The following SLC13A4 variants were observed in gnomAD, a reference collection of about 807,000 sequenced individuals.
SLC13A4 encodes the protein Na(+)/sulfate cotransporter SUT-1.
In SLC13A4, 28 loss-of-function variants were observed where a neutral mutation model predicts 72.7. That is an observed-to-expected ratio of 0.39 (90% CI 0.29 to 0.53). The LOEUF (loss-of-function observed/expected upper bound fraction) is 0.53. Ranked by LOEUF, SLC13A4 falls within the 20% of genes least tolerant of loss-of-function variation. SLC13A4 has a pLI of 0.78. For synonymous variants in SLC13A4, 312 were observed against 325.5 expected (o/e 0.96, Z 0.45); for missense variants, 653 against 788.0 (o/e 0.83, Z 2.05).
At chr7:135,715,894 A>G (rs577130357) in intron 2 of SLC13A4, among the ~76,000 whole-genome samples, 29 of 152,368 alleles carry the variant, frequency 1.9e-4, no homozygotes, top group African/African-American at 7.0e-4. Flanking sequence ...TAATCAGCAG[A>G]GGAAGTAGCA....
chr7:135,681,766 C>T (rs1299551781), intron 15 of SLC13A4, 66 bp from the exon 16 acceptor site: 1 of 1,568,226 alleles, frequency 6.4e-7, no homozygotes, highest in East Asian at 2.2e-5. Context: ...CCCAAGTCCC[C>T]CTTCTGTTCC....
Position 135,706,171 on chromosome 7 carries a change from C to A in SLC13A4, c.495G>T (p.Gln165His). ...LQELVSAEDE[Q>H]LVAGNSNTEE... ...CGGTGTTGGAGTTGCCCGCCACGAG[C>A]TGCTCGTCCTCAGCACTGACCAGCT... Residue 165 changes from glutamine (Q) to histidine (H), a missense_variant, in exon 4 of 16, where the codon CAG becomes CAT. By Grantham distance (24) the Gln-to-His change is conservative (BLOSUM62 0). Coordinates refer to ENST00000682651, the MANE Select transcript of SLC13A4 (RefSeq NM_001318192.2). 1 of 1,609,604 alleles carries A rather than the reference C, an allele frequency of 6.2e-7. No homozygotes were observed. The highest frequency in any genetic ancestry group is 1.1e-5 in the South Asian group (1 of 90,888).
intron 2 of SLC13A4, among the ~76,000 whole-genome samples, chr7:135,720,881 G>GA (rs1463871937): frequency 2.0e-5 from 3 of 152,160 alleles, no homozygotes; most frequent in African/African-American, 4.8e-5. Context: ...CGGGCGAGAA[G>GA]AAAAAGAAAT....
At chr7:135,700,062 C>A (rs922845211) in intron 7 of SLC13A4, among the ~76,000 whole-genome samples, 3 of 152,106 alleles carry the variant, frequency 2.0e-5, no homozygotes, top group African/African-American at 7.2e-5. Flanking sequence ...TCCATCAAAC[C>A]CTGATGGAGA....
intron 5 of SLC13A4, chr7:135,704,466 C>T (rs1357578996): frequency 6.6e-6 from 1 of 152,134 alleles, no homozygotes; most frequent in Non-Finnish European, 1.5e-5. Context: ...AGCTGCTGTC[C>T]TAAGCCCAGA....
rs182085627 is a variant in SLC13A4 at position 135,697,787 on chromosome 7, A to G, written c.899+1577T>C. On this transcript the variant is annotated intron_variant, in intron 8 of 15. Coordinates refer to ENST00000682651, the MANE Select transcript of SLC13A4 (RefSeq NM_001318192.2). Reference sequence around the variant, plus strand: ...CTCTTACCCTCTGTCGTTTTCTTTTATGTGCTCCGCTGTCCTGCCTCGGAG... The same window carrying G: ...CTCTTACCCTCTGTCGTTTTCTTTTGTGTGCTCCGCTGTCCTGCCTCGGAG... Among the ~76,000 whole-genome samples the G allele has an allele frequency of 9.9e-4, 150 of 151,956 alleles. 1 individual carries two copies. Among genetic ancestry groups the G allele is most frequent in the Admixed American group, 8.0e-3 (123 of 15,280 alleles).
At chr7:135,725,101 T>C (rs1447284120) in intron 1 of SLC13A4, among the ~76,000 whole-genome samples, 1 of 152,196 alleles carries the variant, frequency 6.6e-6, no homozygotes, top group Non-Finnish European at 1.5e-5. Flanking sequence ...GGGTTGGGCA[T>C]TGGTGAGTGT....
chr7:135,694,411 C>T (rs747472718), intron 9 of SLC13A4, among the ~76,000 whole-genome samples, 173 bp from the exon 10 acceptor site: 24 of 152,258 alleles, frequency 1.6e-4, no homozygotes, highest in East Asian at 5.8e-4. Context: ...CCAAGTTATC[C>T]GGCCTCTCAT....
chr7:135,700,809 A>T (rs1014120907), intron 7 of SLC13A4, among the ~76,000 whole-genome samples: 4 of 152,046 alleles, frequency 2.6e-5, no homozygotes, highest in African/African-American at 9.7e-5. Flanking sequence ...CATGCCAGCT[A>T]ATGATTTTAC....
rs141084547 is a variant in SLC13A4, at chr7:135,709,070, C to G, written c.229-820G>C. Among the ~76,000 whole-genome samples the G allele has an allele frequency of 8.0e-3, 1,221 of 151,748 alleles. 24 individuals carry two copies. Among genetic ancestry groups the G allele is most frequent in the African/African-American group, 0.028 (1,147 of 41,350 alleles). On this transcript the variant is annotated intron_variant, in intron 2 of 15. Coordinates refer to ENST00000682651, the MANE Select transcript of SLC13A4 (RefSeq NM_001318192.2). ...TCAGCCTCCCGAGTAGCTGGGACCA[C>G]AGGTGCCTGCCACCATGCCTGGCTA...
intron 2 of SLC13A4, among the ~76,000 whole-genome samples, chr7:135,718,088 C>G (rs927490455): frequency 1.3e-5 from 2 of 149,666 alleles, no homozygotes; most frequent in African/African-American, 2.5e-5. Context: ...CACACACACA[C>G]GCGCGCGCGC....
intron 2 of SLC13A4, among the ~76,000 whole-genome samples, chr7:135,718,436 T>C (rs1347561062): frequency 6.6e-6 from 1 of 151,944 alleles, no homozygotes; most frequent in Non-Finnish European, 1.5e-5. Flanking sequence ...GAGCTGTGAA[T>C]GAGGGCTGAT....
At chr7:135,727,271 C>T (rs1796682487) in intron 1 of SLC13A4, 127 bp downstream of exon 1, 2 of 1,240,520 alleles carry the variant, frequency 1.6e-6, no homozygotes, top group East Asian at 5.2e-5. Flanking sequence ...AAAATCCTTC[C>T]ATTTCTTTAA....
intron 1 of SLC13A4, among the ~76,000 whole-genome samples, chr7:135,723,748 T>C (rs763138167): frequency 6.6e-6 from 1 of 152,152 alleles, no homozygotes; most frequent in Non-Finnish European, 1.5e-5. Context: ...GCAAGGACCT[T>C]GTGCCCTCCT....
At chr7:135,708,029 C>A in intron 3 of SLC13A4, 85 bp downstream of exon 3, 1 of 1,521,224 alleles carries the variant, frequency 6.6e-7, no homozygotes, top group Non-Finnish European at 9.0e-7. Context: ...AGTGGACATC[C>A]CGCAGTGACC....
intron 14 of SLC13A4, among the ~76,000 whole-genome samples, chr7:135,684,638 C>T (rs1323502850): frequency 6.8e-6 from 1 of 146,204 alleles, no homozygotes; most frequent in African/African-American, 2.5e-5. Flanking sequence ...GGGTACAGAA[C>T]TAAGGTGGTT....
In SLC13A4 at chr7:135,695,474, C is replaced by G; in HGVS notation, c.913G>C (p.Ala305Pro). ...LEHFNNQYPAAEVVNFGTWFL... is the reference protein window; with the variant it reads ...LEHFNNQYPAPEVVNFGTWFL... ...CAGGTGCCAAAGTTCACCACCTCTG[C>G]GGCTGGATACTGGCTGGAGGGTAAA... The change falls in exon 9 of 16, where the codon GCA (alanine) becomes CCA (proline). Residue 305 changes from alanine to proline, a missense_variant. By Grantham distance (27) the Ala-to-Pro change is conservative (BLOSUM62 -1). Transcript: ENST00000682651. 1 of 1,613,952 alleles carries G rather than the reference C, an allele frequency of 6.2e-7. No homozygotes were observed. Among genetic ancestry groups the G allele is most frequent in the South Asian group, 1.1e-5 (1 of 91,068 alleles).
intron 5 of SLC13A4, chr7:135,704,353 G>C (rs749493520): frequency 2.6e-5 from 4 of 152,650 alleles, no homozygotes; most frequent in Admixed American, 6.5e-5. Context: ...TTGCCCCACA[G>C]ATGAAAGAGC....
In SLC13A4 at chr7:135,725,803, AT is replaced by A. The variant is rs142078588; in HGVS notation, c.99+1594del. Among the ~76,000 whole-genome samples, 4 of 151,968 alleles carry A rather than the reference AT, an allele frequency of 2.6e-5. No homozygotes were observed. In the South Asian group the frequency reaches 8.3e-4, roughly 32 times the overall value. On this transcript the variant is annotated intron_variant, in intron 1 of 15. Coordinates refer to ENST00000682651, the MANE Select transcript of SLC13A4 (RefSeq NM_001318192.2). The stretch of plus-strand genomic sequence containing the variant: ...TGAAACCCCCATTTCTACAAAAAAA[AT>A]TTTTTTAAAAATTAGCTGCATGTGG...
Sources: gnomAD v4.1 joint callset for allele counts (sites outside exome capture counted in the v4.1 genomes callset) on GRCh38, gnomAD v4.1.1 for gene constraint, MANE v1.5 for transcripts, NCBI Gene and HGNC (gene_info 2026-07-23, HGNC 2026-07-21) for gene names.